The following ATP2A3 variants were observed in gnomAD, a reference collection of about 807,000 sequenced individuals.
The protein encoded by ATP2A3 is sarcoplasmic/endoplasmic reticulum calcium ATPase 3.
In ATP2A3, 61 loss-of-function variants were observed where a neutral mutation model predicts 106.8. The ratio of observed to expected loss-of-function variants is 0.57; its 90% CI spans 0.46 to 0.71. ATP2A3 has a LOEUF of 0.71. ATP2A3 is among the 30% of genes least tolerant of loss of function. The pLI, the probability that ATP2A3 is intolerant of heterozygous loss-of-function variation, is 0.00. For synonymous variants in ATP2A3, 611 were observed against 609.3 expected (o/e 1.00, Z -0.04); for missense variants, 1,201 against 1,423.5 (o/e 0.84, Z 2.52).
intron 10 of ATP2A3, 141 bp downstream of exon 10, chr17:3,944,563 G>T (rs549477377): frequency 3.8e-6 from 3 of 799,962 alleles, no homozygotes; most frequent in Admixed American, 2.1e-5. Context: ...GCAGAGAGGG[G>T]TGTGCAGGGG....
Position 3,924,583 on chromosome 17 carries a change from C to A in ATP2A3, c.*839G>T. ...TGTCGGTGGTCTCAGGTACCAGGGA[C>A]GCGGGTGGCAAGTTGGACCTCTGCG... On this transcript the variant is annotated 3_prime_UTR_variant, in exon 21 of 21. Transcript: ENST00000397041. This position sits in a 1 kb window ranked among gnomAD's most constrained non-coding sequence, Gnocchi z 6.4. 2.8e-6 allele frequency: 1 copy of A among 351,504 alleles called. No individual in the cohort carries two copies. Among genetic ancestry groups the A allele is most frequent in the Non-Finnish European group, 5.7e-6 (1 of 176,248 alleles). 21.8% of individuals were successfully genotyped at this position (351,504 alleles called of 1,614,324 possible).
intron 10 of ATP2A3, among the ~76,000 whole-genome samples, chr17:3,944,316 T>A (rs1353266330): frequency 6.6e-6 from 1 of 152,234 alleles, no homozygotes; most frequent in East Asian, 1.9e-4. Flanking sequence ...AGACGCCTGC[T>A]GCATGCCCCA....
intron 3 of ATP2A3, among the ~76,000 whole-genome samples, chr17:3,952,453 C>T (rs558607988): frequency 3.3e-5 from 5 of 152,286 alleles, no homozygotes; most frequent in South Asian, 2.1e-4. Flanking sequence ...CAAGGAGATG[C>T]GGCAGCCAAG....
intron 17 of ATP2A3, among the ~76,000 whole-genome samples, chr17:3,932,030 CA>C (rs925184635): frequency 6.6e-6 from 1 of 152,202 alleles, no homozygotes; most frequent in African/African-American, 2.4e-5. Context: ...GATATTTTAA[CA>C]AAGAGATAGA....
Position 3,951,655 on chromosome 17 carries a change from T to G in ATP2A3, c.250A>C (p.Thr84Pro). 1 of 1,589,180 alleles carries G rather than the reference T, an allele frequency of 6.3e-7. No individual in the cohort carries two copies. The highest frequency in any genetic ancestry group is 1.7e-4 in the Middle Eastern group (1 of 5,938). ...VLAWFEEGEETTTAFVEPLVI... is the reference protein window; with the variant it reads ...VLAWFEEGEEPTTAFVEPLVI... ...AGGGGCTCCACGAAGGCGGTCGTGGTCTCCTCGCCCTCCTCGAACCAGGCC... is the reference window on the plus strand; with the variant it reads ...AGGGGCTCCACGAAGGCGGTCGTGGGCTCCTCGCCCTCCTCGAACCAGGCC... Residue 84 changes from threonine (T) to proline (P), a missense_variant, in exon 4 of 21, where the codon ACC becomes CCC. Physicochemically the swap from Thr to Pro is conservative, Grantham distance 38 (BLOSUM62 -1). Coordinates refer to ENST00000397041, the MANE Select transcript of ATP2A3 (RefSeq NM_005173.4).
chr17:3,949,282 T>G (rs2054286706), intron 7 of ATP2A3, among the ~76,000 whole-genome samples: 1 of 152,200 alleles, frequency 6.6e-6, no homozygotes, highest in Non-Finnish European at 1.5e-5. Context: ...TAAACGCTCC[T>G]TGCTGGCCTC....
rs541709312 is a variant in ATP2A3 at position 3,925,313 on chromosome 17, C to T, written c.*109G>A. ...CGGGCCTGTCATTTATCCGGCGGGA[C>T]CCGGTGGGCAAGTGGGCGAGTGTGG... On this transcript the variant is annotated 3_prime_UTR_variant, in exon 21 of 21. Transcript: ENST00000397041. This position sits in a 1 kb window ranked among gnomAD's most constrained non-coding sequence, Gnocchi z 4.2. 1.9e-6 allele frequency: 3 copies of T among 1,589,836 alleles called. No homozygotes were observed. Among genetic ancestry groups the T allele is most frequent in the Non-Finnish European group, 2.6e-6 (3 of 1,162,780 alleles).
At position 3,947,795 on chromosome 17, in the gene ATP2A3, C is replaced by G. The variant is rs904282552; in HGVS notation, c.691G>C (p.Glu231Gln). Residue 231 changes from glutamate (E) to glutamine (Q), a missense_variant, in exon 8 of 21, where the codon GAG becomes CAG. Glu to Gln is a conservative substitution (Grantham distance 29). This residue lies in a region of ATP2A3 where 935 missense variants were observed against 1,176.7 expected (regional missense o/e 0.79). Transcript: ENST00000397041. The surrounding 1 kb of genome is among the most constrained non-coding windows in gnomAD (Gnocchi z 7.7). The stretch of plus-strand genomic sequence containing the variant: ...ATCTGGCTCCGGATCTTGCCCAGCT[C>G]CGTGTGCAGGCCGGTGGCCACGGCC... ...GVAVATGLHT[E>Q]LGKIRSQMAA... is the part of the protein sequence containing the mutation. The G allele has an allele frequency of 1.2e-6, 2 of 1,601,286 alleles. No individual in the cohort carries two copies. Among genetic ancestry groups the G allele is most frequent in the African/African-American group, 2.7e-5 (2 of 74,958 alleles).
At position 3,953,255 on chromosome 17, in the gene ATP2A3, G is replaced by T. The variant is rs1302106667; in HGVS notation, c.219+92C>A. 5.0e-6 allele frequency: 7 copies of T among 1,412,426 alleles called. No individual in the cohort carries two copies. The South Asian group carries it at 5.8e-5, about 12-fold the overall frequency. The allele number at this position is 1,412,426 out of a possible 1,614,324, so 87.5% of individuals were successfully genotyped here. ...CGCAGGCCCAGGGTGTGGAGGACAG[G>T]CCCAGGCTCCAGGACCTCGGAGCAC... On this transcript the variant is annotated intron_variant, in intron 3 of 20. Transcript: ENST00000397041. This position sits in a 1 kb window ranked among gnomAD's most constrained non-coding sequence, Gnocchi z 5.1.
intron 11 of ATP2A3, among the ~76,000 whole-genome samples, chr17:3,943,146 G>A (rs1018963380): frequency 6.6e-6 from 1 of 152,052 alleles, no homozygotes; most frequent in Non-Finnish European, 1.5e-5. Context: ...AAAATTAGCC[G>A]GGTGTGGTGG....
At chr17:3,958,949 T>A (rs1324248602) in intron 1 of ATP2A3, among the ~76,000 whole-genome samples, 1 of 150,476 alleles carries the variant, frequency 6.6e-6, no homozygotes, top group African/African-American at 2.4e-5. Context: ...TGGAGTGCGG[T>A]GGTGCAATCT....
chr17:3,957,400 C>T (rs1428833676), intron 1 of ATP2A3, among the ~76,000 whole-genome samples: 1 of 152,196 alleles, frequency 6.6e-6, no homozygotes, highest in Non-Finnish European at 1.5e-5. Flanking sequence ...CTTTACCGCT[C>T]ACCCAAGCTC....
At chr17:3,951,543 A>AAC (rs1567715067) in intron 4 of ATP2A3, 38 bp downstream of exon 4, 13 of 1,386,996 alleles carry the variant, frequency 9.4e-6, no homozygotes, top group South Asian at 1.2e-5. Flanking sequence ...TGGCTGGGAG[A>AAC]CCGCCCCCCG....
intron 13 of ATP2A3, 22 bp downstream of exon 13, chr17:3,941,414 G>T: frequency 1.2e-6 from 2 of 1,612,720 alleles, no homozygotes; most frequent in South Asian, 1.1e-5. Context: ...GTACTGCAGG[G>T]AGAATCGGCT....
In ATP2A3 at chr17:3,935,106, C is replaced by T. The variant is rs1457190302; in HGVS notation, c.2610+86G>A. The T allele has an allele frequency of 3.6e-6, 5 of 1,376,248 alleles. No individual in the cohort carries two copies. The African/African-American group carries it at 5.7e-5, about 16-fold the overall frequency. The allele number at this position is 1,376,248 out of a possible 1,614,324, so 85.3% of individuals were successfully genotyped here. A position where few individuals can be genotyped will look rare whatever the true frequency, so the allele number is the denominator to read the frequency against. On this transcript the variant is annotated intron_variant, in intron 17 of 20. Transcript: ENST00000397041. ...GAGTGGGGAAGGACACTGCAGGCCA[C>T]CCATGCGGCTCTAGACCCATCTCCC...
rs2054595123 is a variant in ATP2A3, at chr17:3,953,787, T to C, written c.119-77A>G. On this transcript the variant is annotated intron_variant, in intron 1 of 20. Coordinates refer to ENST00000397041, the MANE Select transcript of ATP2A3 (RefSeq NM_005173.4). The surrounding 1 kb of genome is among the most constrained non-coding windows in gnomAD (Gnocchi z 5.1). The stretch of plus-strand genomic sequence containing the variant: ...GTCACGCAGGGGCCTCGGGGGAGTC[T>C]GGCAGTGCCTCCCCACCGTGCCCGC... 13 of 1,485,222 alleles carry C rather than the reference T, an allele frequency of 8.8e-6. No homozygotes were observed. The highest frequency in any genetic ancestry group is 3.9e-5 in the Admixed American group (2 of 50,972). 92.0% of individuals were successfully genotyped at this position (1,485,222 alleles called of 1,614,324 possible). A position where few individuals can be genotyped will look rare whatever the true frequency, so the allele number is the denominator to read the frequency against.
chr17:3,930,414 G>A lies in ATP2A3; in HGVS notation c.2631C>T (p.Ser877=), dbSNP rs112214270. 14 of 1,613,960 alleles carry A rather than the reference G, an allele frequency of 8.7e-6. No homozygotes were observed. The highest frequency in any genetic ancestry group is 5.5e-5 in the South Asian group (5 of 91,068). ...TGCCGGCAAAGAGCGGGTTGTCTTCGGAGCACTTCAGGAAGTTCCTCTGGG... is the reference window on the plus strand; with the variant it reads ...TGCCGGCAAAGAGCGGGTTGTCTTCAGAGCACTTCAGGAAGTTCCTCTGGG... ...FYQLRNFLKC[S]EDNPLFAGID... The change falls in exon 18 of 21, where the codon TCC becomes TCT. Residue 877 remains serine (S), a synonymous_variant. Coordinates refer to ENST00000397041, the MANE Select transcript of ATP2A3 (RefSeq NM_005173.4). This position sits in a 1 kb window ranked among gnomAD's most constrained non-coding sequence, Gnocchi z 5.4.
At chr17:3,938,300 G>A (rs1437208139) in intron 14 of ATP2A3, among the ~76,000 whole-genome samples, 1 of 152,096 alleles carries the variant, frequency 6.6e-6, no homozygotes, top group Non-Finnish European at 1.5e-5. Context: ...TGGGCGCAGT[G>A]GCGCGTGCCT....
In ATP2A3 at chr17:3,950,772, C is replaced by T. The variant is rs535315120; in HGVS notation, c.465G>A (p.Val155=). The change falls in exon 6 of 21, where the codon GTG becomes GTA. Residue 155 remains valine (V), a splice_region_variant and synonymous_variant. Transcript: ENST00000397041. ...IVPGDIVEVA[V]GDKVPADLRL... ...GGAGGTCAGCAGGCACTTTGTCCCC[C>T]ACTGTGCGGGGAGAATGGCTTGGCT... is the stretch of plus-strand genomic sequence containing the variant. 6.2e-7 allele frequency: 1 copy of T among 1,613,000 alleles called. No homozygotes were observed. The highest frequency in any genetic ancestry group is 8.5e-7 in the Non-Finnish European group (1 of 1,179,874).
Sources: allele counts gnomAD v4.1 joint callset (sites outside exome capture counted in the v4.1 genomes callset), GRCh38; gene constraint gnomAD v4.1.1; regional missense constraint gnomAD v4.1.1; non-coding constraint Gnocchi (gnomAD v3.1); transcripts MANE v1.5; gene names NCBI Gene and HGNC (gene_info 2026-07-23, HGNC 2026-07-21).